Variants in CTNND2 observed in about 807,000 individuals in gnomAD.
CTNND2 encodes the protein catenin delta-2.
A neutral mutation model predicts 144.4 loss-of-function variants in CTNND2; 22 were observed. That is an observed-to-expected ratio of 0.15 (90% CI 0.11 to 0.22). The LOEUF (loss-of-function observed/expected upper bound fraction) is 0.22. CTNND2 is among the 10% of genes least tolerant of loss of function. The pLI, the probability that CTNND2 is intolerant of heterozygous loss-of-function variation, is 1.00. For missense variants in CTNND2, 1,353 were observed against 1,618.8 expected (o/e 0.84, Z 2.82); for synonymous variants, 751 against 695.6 (o/e 1.08, Z -1.25).
intron 3 of CTNND2, among the ~76,000 whole-genome samples, chr5:11,438,964 T>C (rs1485458989): frequency 6.6e-6 from 1 of 152,098 alleles, no homozygotes; most frequent in Admixed American, 6.6e-5. Context: ...GTTCAATGTC[T>C]TAAAGTACCT....
intron 10 of CTNND2, among the ~76,000 whole-genome samples, chr5:11,205,737 G>T (rs1270838203): frequency 6.6e-6 from 1 of 152,148 alleles, no homozygotes; most frequent in East Asian, 1.9e-4. Context: ...TAATTTTTTA[G>T]TAGAAATTAT....
intron 2 of CTNND2, among the ~76,000 whole-genome samples, chr5:11,710,451 A>G (rs1421082031): frequency 6.7e-6 from 1 of 149,968 alleles, no homozygotes. Flanking sequence ...GAGGCAGGAG[A>G]GTTGCTTGAA....
intron 1 of CTNND2, among the ~76,000 whole-genome samples, chr5:11,804,300 T>C (rs1296608690): frequency 6.6e-6 from 1 of 152,198 alleles, no homozygotes; most frequent in Non-Finnish European, 1.5e-5. Flanking sequence ...GGCAGCTGCT[T>C]TAGTATACAA....
intron 9 of CTNND2, among the ~76,000 whole-genome samples, chr5:11,341,351 T>C (rs1417343741): frequency 6.6e-6 from 1 of 152,146 alleles, no homozygotes; most frequent in Non-Finnish European, 1.5e-5. Flanking sequence ...GTTCAAGAGA[T>C]GGTGAGGGGC....
intron 21 of CTNND2, among the ~76,000 whole-genome samples, chr5:10,975,149 T>C (rs546460353): frequency 3.0e-4 from 45 of 152,314 alleles, no homozygotes; most frequent in African/African-American, 9.6e-4. Context: ...CCAGGTCTAC[T>C]GGACTGCGTT....
At chr5:11,794,279 C>T (rs1181982099) in intron 1 of CTNND2, among the ~76,000 whole-genome samples, 39 of 152,230 alleles carry the variant, frequency 2.6e-4, no homozygotes, top group Non-Finnish European at 1.5e-5. Context: ...TATTTTAATA[C>T]ATCCATGGTA....
chr5:11,833,834 T>G lies in CTNND2; in HGVS notation c.37+69983A>C, dbSNP rs1020672343. Among the ~76,000 whole-genome samples, 4 of 152,334 alleles carry G rather than the reference T, an allele frequency of 2.6e-5. 1 individual carries two copies. The South Asian group carries it at 8.3e-4, about 32-fold the overall frequency. The stretch of plus-strand genomic sequence containing the variant: ...CCACCGTGCCCGACTGGAACTGTTT[T>G]CTATCTCCCTTTTGGCTGCAGTCAC... On this transcript the variant is annotated intron_variant, in intron 1 of 21. Transcript: ENST00000304623.
intron 3 of CTNND2, among the ~76,000 whole-genome samples, chr5:11,513,797 G>A (rs924841402): frequency 6.6e-6 from 1 of 152,076 alleles, no homozygotes; most frequent in Non-Finnish European, 1.5e-5. Context: ...TATAGTATGT[G>A]TGGTCTAGAG....
intron 9 of CTNND2, among the ~76,000 whole-genome samples, chr5:11,341,784 G>T (rs1469677562): frequency 6.6e-6 from 1 of 152,204 alleles, no homozygotes; most frequent in Non-Finnish European, 1.5e-5. Flanking sequence ...AAGGCAGGAG[G>T]ATCACTTGAG....
intron 12 of CTNND2, among the ~76,000 whole-genome samples, chr5:11,119,122 G>C (rs1483602966): frequency 1.3e-5 from 2 of 152,138 alleles, no homozygotes; most frequent in African/African-American, 4.8e-5. Context: ...CTGAGGAGGA[G>C]CTGGAACAAA....
At chr5:11,763,283 G>A (rs1250298220) in intron 1 of CTNND2, among the ~76,000 whole-genome samples, 1 of 152,102 alleles carries the variant, frequency 6.6e-6, no homozygotes, top group Non-Finnish European at 1.5e-5. Flanking sequence ...CTTTATAGCA[G>A]TGTGAGAAAG....
At chr5:11,719,229 A>T (rs1163022930) in intron 2 of CTNND2, among the ~76,000 whole-genome samples, 1 of 152,014 alleles carries the variant, frequency 6.6e-6, no homozygotes. Context: ...ATTAGCCCAC[A>T]CTCTATGGCC....
intron 18 of CTNND2, among the ~76,000 whole-genome samples, chr5:11,009,407 G>A (rs985894949): frequency 5.3e-5 from 8 of 152,226 alleles, no homozygotes; most frequent in African/African-American, 1.9e-4. Context: ...AGGGGAGGGA[G>A]AAGAGATGGA....
At chr5:11,131,380 T>C (rs752524234) in intron 12 of CTNND2, among the ~76,000 whole-genome samples, 14 of 152,184 alleles carry the variant, frequency 9.2e-5, no homozygotes, top group Non-Finnish European at 1.8e-4. Context: ...GAACAGAACT[T>C]GACTAATAAG....
At chr5:11,001,159 A>G (rs1167160225) in intron 18 of CTNND2, among the ~76,000 whole-genome samples, 1 of 151,928 alleles carries the variant, frequency 6.6e-6, no homozygotes. Flanking sequence ...AAACATCCCC[A>G]CCTTTGATCA....
chr5:11,892,735 A>T (rs868313962), intron 1 of CTNND2, among the ~76,000 whole-genome samples: 2 of 152,008 alleles, frequency 1.3e-5, no homozygotes, highest in Non-Finnish European at 2.9e-5. Context: ...AGCCCACCAC[A>T]TCTCAATTAG....
chr5:11,633,927 A>G (rs1240154939), intron 2 of CTNND2, among the ~76,000 whole-genome samples: 1 of 152,166 alleles, frequency 6.6e-6, no homozygotes, highest in East Asian at 1.9e-4. Context: ...GGTACAGTCC[A>G]TCTTCTTATG....
At chr5:11,804,671 A>C (rs1791894432) in intron 1 of CTNND2, among the ~76,000 whole-genome samples, 1 of 152,174 alleles carries the variant, frequency 6.6e-6, no homozygotes, top group Non-Finnish European at 1.5e-5. Context: ...AAAAAATAAA[A>C]ATAAAAAGAT....
intron 2 of CTNND2, among the ~76,000 whole-genome samples, chr5:11,637,245 T>C (rs1445266551): frequency 1.3e-5 from 2 of 152,162 alleles, no homozygotes; most frequent in Non-Finnish European, 2.9e-5. Context: ...ATCTCCAAAA[T>C]AAACTGAGTT....
Sources: gnomAD v4.1 joint callset for allele counts (sites outside exome capture counted in the v4.1 genomes callset) on GRCh38, gnomAD v4.1.1 for gene constraint, MANE v1.5 for transcripts, NCBI Gene and HGNC (gene_info 2026-07-23, HGNC 2026-07-21) for gene names.